SLC7A8: variants seen among roughly 807,000 people sequenced by gnomAD.
SLC7A8 encodes the protein large neutral amino acids transporter small subunit 2.
Under a neutral mutation model 51.2 loss-of-function variants are expected in SLC7A8, and 30 were observed. That is an observed-to-expected ratio of 0.59 (90% CI 0.44 to 0.80). The LOEUF (loss-of-function observed/expected upper bound fraction) is 0.80. Ranked by LOEUF, SLC7A8 falls within the 30% of genes least tolerant of loss-of-function variation. SLC7A8 has a pLI of 0.00. For missense variants in SLC7A8, 612 were observed against 674.4 expected (o/e 0.91, Z 1.03); for synonymous variants, 257 against 275.8 (o/e 0.93, Z 0.67).
chr14:23,171,379 A>G (rs1052853512), intron 1 of SLC7A8, among the ~76,000 whole-genome samples: 4 of 152,192 alleles, frequency 2.6e-5, no homozygotes, highest in African/African-American at 9.6e-5. Flanking sequence ...AAATTGCCGG[A>G]ATTGAGAAAA....
intron 3 of SLC7A8, among the ~76,000 whole-genome samples, chr14:23,161,299 G>A (rs897148339): frequency 5.3e-5 from 8 of 151,850 alleles, no homozygotes; most frequent in East Asian, 1.9e-4. Context: ...CCCTCGCCAC[G>A]GGCTTTACCA....
At chr14:23,157,934 G>A (rs2048902467) in intron 3 of SLC7A8, among the ~76,000 whole-genome samples, 2 of 152,144 alleles carry the variant, frequency 1.3e-5, no homozygotes, top group Admixed American at 6.5e-5. Context: ...CAAAAACTAA[G>A]TATCCCCATG....
intron 7 of SLC7A8, among the ~76,000 whole-genome samples, chr14:23,133,505 A>C (rs922426593): frequency 2.6e-5 from 4 of 151,354 alleles, no homozygotes; most frequent in Non-Finnish European, 1.5e-5. Flanking sequence ...TAAAAGTAAG[A>C]GGTCGATAAA....
rs148087074 is a variant in SLC7A8, at chr14:23,165,363, TGGA to T, written c.427_429del (p.Ser143del). 1 of 1,603,318 alleles carries T rather than the reference TGGA, an allele frequency of 6.2e-7. No homozygotes were observed. The highest frequency in any genetic ancestry group is 2.3e-5 in the East Asian group (1 of 44,040). Reference sequence around the variant, plus strand: ...GGGAAGAGCGGCTGCAGCACGTAGTTGGAGAAGGTGAGGGCGATGACAGCCTGG... The same window carrying T: ...GGGAAGAGCGGCTGCAGCACGTAGTTGAAGGTGAGGGCGATGACAGCCTGG... On this transcript the variant is annotated inframe_deletion, in exon 3 of 11. Coordinates refer to ENST00000316902, the MANE Select transcript of SLC7A8 (RefSeq NM_012244.4). The surrounding 1 kb of genome is among the most constrained non-coding windows in gnomAD (Gnocchi z 4.2).
At chr14:23,168,373 C>G (rs955377998) in intron 1 of SLC7A8, among the ~76,000 whole-genome samples, 4 of 152,192 alleles carry the variant, frequency 2.6e-5, no homozygotes, top group Non-Finnish European at 5.9e-5. Flanking sequence ...CTTCCCCTGC[C>G]AAACTGCTGT....
intron 3 of SLC7A8, among the ~76,000 whole-genome samples, chr14:23,159,566 G>T (rs1167742340): frequency 6.6e-6 from 1 of 152,238 alleles, no homozygotes; most frequent in Non-Finnish European, 1.5e-5. Context: ...GAGCAGTTTG[G>T]GGGTAGAGAA....
intron 7 of SLC7A8, among the ~76,000 whole-genome samples, chr14:23,137,393 G>T (rs1235963813): frequency 6.6e-6 from 1 of 152,158 alleles, no homozygotes; most frequent in Non-Finnish European, 1.5e-5. Flanking sequence ...TCTCTGTTGA[G>T]CAGGGAGGAG....
chr14:23,133,786 TG>T (rs1027755560), intron 7 of SLC7A8, among the ~76,000 whole-genome samples: 3 of 151,990 alleles, frequency 2.0e-5, no homozygotes, highest in Non-Finnish European at 4.4e-5. Context: ...ATCATGCCCT[TG>T]CACTCCAACC....
chr14:23,143,644 G>A (rs1400176170), intron 3 of SLC7A8, among the ~76,000 whole-genome samples: 1 of 152,194 alleles, frequency 6.6e-6, no homozygotes, highest in African/African-American at 2.4e-5. Context: ...TAGGTTTATT[G>A]AGATATAATC....
chr14:23,173,461 T>C (rs1401577708), intron 1 of SLC7A8, among the ~76,000 whole-genome samples: 1 of 152,200 alleles, frequency 6.6e-6, no homozygotes, highest in African/African-American at 2.4e-5. Flanking sequence ...GTCTTCTTAC[T>C]GGATCAGTCC....
intron 4 of SLC7A8, among the ~76,000 whole-genome samples, 188 bp from the exon 5 acceptor site, chr14:23,140,812 C>T (rs753183164): frequency 9.9e-5 from 15 of 152,228 alleles, no homozygotes; most frequent in Admixed American, 2.0e-4. Flanking sequence ...CCAGGGCTTC[C>T]GAGACCCCGG....
At chr14:23,142,999 C>CT in intron 4 of SLC7A8, 80 bp downstream of exon 4, 1 of 1,552,846 alleles carries the variant, frequency 6.4e-7, no homozygotes. Context: ...GTGTGGCATA[C>CT]TTCCAAAGCT....
At chr14:23,149,222 G>A (rs1044680642) in intron 3 of SLC7A8, among the ~76,000 whole-genome samples, 1 of 152,170 alleles carries the variant, frequency 6.6e-6, no homozygotes, top group Non-Finnish European at 1.5e-5. Flanking sequence ...CCTCCATTTG[G>A]TAATTCAATA....
intron 2 of SLC7A8, among the ~76,000 whole-genome samples, 192 bp downstream of exon 2, chr14:23,166,143 CG>C (rs111535167): frequency 0.024 from 3,718 of 152,196 alleles, 157 homozygotes; most frequent in African/African-American, 0.085. Context: ...CCATCATTAT[CG>C]GGAGCCTCAA....
intron 5 of SLC7A8, 22 bp from the exon 6 acceptor site, chr14:23,139,569 G>C: frequency 1.2e-6 from 2 of 1,608,210 alleles, no homozygotes; most frequent in East Asian, 4.5e-5. Flanking sequence ...GAGGAGGTGA[G>C]GGGAAGGGCT....
At chr14:23,132,120 CA>C (rs373172223) in intron 7 of SLC7A8, among the ~76,000 whole-genome samples, 143 of 150,652 alleles carry the variant, frequency 9.5e-4, no homozygotes, top group African/African-American at 3.2e-3. Flanking sequence ...TTCTCTGCCT[CA>C]GCCTCCCGAG....
chr14:23,150,113 C>A (rs2048833302), intron 3 of SLC7A8, among the ~76,000 whole-genome samples: 1 of 152,160 alleles, frequency 6.6e-6, no homozygotes, highest in African/African-American at 2.4e-5. Flanking sequence ...AAATTAATTT[C>A]TTTAGTGCCT....
intron 3 of SLC7A8, among the ~76,000 whole-genome samples, chr14:23,158,978 A>G (rs1345448667): frequency 1.3e-5 from 2 of 152,172 alleles, no homozygotes; most frequent in African/African-American, 2.4e-5. Flanking sequence ...TTCCTTGGAT[A>G]AAATCTACTT....
chr14:23,178,870 G>A (rs867766500), intron 1 of SLC7A8, among the ~76,000 whole-genome samples: 7 of 134,938 alleles, frequency 5.2e-5, no homozygotes, highest in African/African-American at 2.0e-4. Flanking sequence ...GGTTAACAGA[G>A]TGAGATCTTG....
Sources: allele counts gnomAD v4.1 joint callset (sites outside exome capture counted in the v4.1 genomes callset), GRCh38; gene constraint gnomAD v4.1.1; non-coding constraint Gnocchi (gnomAD v3.1); transcripts MANE v1.5; gene names NCBI Gene and HGNC (gene_info 2026-07-23, HGNC 2026-07-21).